ARHGAP26: variants seen among roughly 807,000 people sequenced by gnomAD.
The protein encoded by ARHGAP26 is rho GTPase-activating protein 26.
ARHGAP26 carries 38 observed loss-of-function variants against 104.8 expected under a neutral mutation model. The ratio of observed to expected loss-of-function variants is 0.36; its 90% CI spans 0.28 to 0.48. The LOEUF (loss-of-function observed/expected upper bound fraction) is 0.48. Among genes scored for constraint, ARHGAP26 ranks in the 20% least tolerant of loss-of-function variants. The pLI, the probability that ARHGAP26 is intolerant of heterozygous loss-of-function variation, is 0.99. For synonymous variants in ARHGAP26, 341 were observed against 340.0 expected, an observed-to-expected ratio of 1.00 and a Z score of -0.03; for missense variants, 704 against 947.9, an observed-to-expected ratio of 0.74 and a Z score of 3.38.
intron 19 of ARHGAP26, among the ~76,000 whole-genome samples, chr5:143,143,167 A>G (rs146355456): frequency 7.7e-4 from 117 of 152,080 alleles, no homozygotes; most frequent in African/African-American, 2.8e-3. Context: ...GCATGGGGGG[A>G]AACCTCCCGC....
chr5:142,993,871 A>T lies in ARHGAP26; in HGVS notation c.1108-20209A>T, dbSNP rs116960202. On this transcript the variant is annotated intron_variant, in intron 11 of 22. Transcript: ENST00000645722. ...TTTTAAGTAGAGGCTAGGACTCCTTATGTTGCCCAGATCAGTCTCAAATTC... is the reference window on the plus strand; with the variant it reads ...TTTTAAGTAGAGGCTAGGACTCCTTTTGTTGCCCAGATCAGTCTCAAATTC... 2.0e-5 allele frequency among the ~76,000 whole-genome samples: 3 copies of T among 151,404 alleles called. No individual in the cohort carries two copies. The East Asian group carries it at 5.9e-4, about 30-fold the overall frequency.
rs924259954 is a variant in ARHGAP26, at chr5:142,894,400, C to T, written c.597+52C>T. On this transcript the variant is annotated intron_variant, in intron 6 of 22. Coordinates refer to ENST00000645722, the MANE Select transcript of ARHGAP26 (RefSeq NM_001135608.3). ...TGTACCCATATATTCATCCCTCATT[C>T]TAACTAGTAGTAGATTACAAAATGC... 9.3e-6 allele frequency: 14 copies of T among 1,501,818 alleles called. No individual in the cohort carries two copies. The African/African-American group carries it at 1.9e-4, about 21-fold the overall frequency. 93.0% of individuals were successfully genotyped at this position (1,501,818 alleles called of 1,614,324 possible). A position where few individuals can be genotyped will look rare whatever the true frequency, so the allele number is the denominator to read the frequency against.
chr5:142,819,197 T>C (rs1331102392), intron 1 of ARHGAP26, among the ~76,000 whole-genome samples: 1 of 152,160 alleles, frequency 6.6e-6, no homozygotes, highest in Non-Finnish European at 1.5e-5. Context: ...TCGAAAACAT[T>C]CCTCAGTTTG....
intron 17 of ARHGAP26, among the ~76,000 whole-genome samples, chr5:143,109,946 A>G (rs1318017895): frequency 6.6e-6 from 1 of 152,178 alleles, no homozygotes; most frequent in Non-Finnish European, 1.5e-5. Flanking sequence ...CCTCAAGTCC[A>G]TTATGTCTCT....
rs182914913 is a variant in ARHGAP26 at position 143,209,700 on chromosome 5, G to C, written c.2099+2392G>C. Reference sequence around the variant, plus strand: ...GGAGGCTAAGGCAGGAGGATTGCTTGAACCTGGGAGGCAAAGTTTGCAGTG... The same window carrying C: ...GGAGGCTAAGGCAGGAGGATTGCTTCAACCTGGGAGGCAAAGTTTGCAGTG... On this transcript the variant is annotated intron_variant, in intron 21 of 22. Coordinates refer to ENST00000645722, the MANE Select transcript of ARHGAP26 (RefSeq NM_001135608.3). 2.8e-4 allele frequency among the ~76,000 whole-genome samples: 43 copies of C among 152,048 alleles called. 2 individuals carry two copies. Among genetic ancestry groups the C allele is most frequent in the African/African-American group, 9.2e-4 (38 of 41,432 alleles).
intron 17 of ARHGAP26, among the ~76,000 whole-genome samples, chr5:143,118,360 T>C (rs1217359258): frequency 6.6e-6 from 1 of 152,150 alleles, no homozygotes; most frequent in East Asian, 1.9e-4. Context: ...AACCCAAAGC[T>C]TAGAAAGATT....
chr5:143,176,984 A>G (rs1803554445), intron 20 of ARHGAP26, among the ~76,000 whole-genome samples: 1 of 152,218 alleles, frequency 6.6e-6, no homozygotes, highest in Non-Finnish European at 1.5e-5. Context: ...AGGCTACAAT[A>G]TCAATGTGCT....
chr5:143,215,992 TATTA>T (rs1480589917), intron 22 of ARHGAP26, among the ~76,000 whole-genome samples: 4 of 152,180 alleles, frequency 2.6e-5, no homozygotes, highest in African/African-American at 9.7e-5. Context: ...TGCAGGGTCA[TATTA>T]ATTCCGTGTT....
chr5:143,165,911 T>C, intron 20 of ARHGAP26: 1 of 561,406 alleles, frequency 1.8e-6, no homozygotes, highest in Non-Finnish European at 2.7e-6. Context: ...CCTCCTAGGG[T>C]TGTTAGGATG....
chr5:143,074,287 A>T (rs1180324424), intron 17 of ARHGAP26, among the ~76,000 whole-genome samples: 1 of 152,164 alleles, frequency 6.6e-6, no homozygotes, highest in Non-Finnish European at 1.5e-5. Context: ...TTTTTGTCCT[A>T]CTTACAGGTA....
intron 7 of ARHGAP26, among the ~76,000 whole-genome samples, chr5:142,902,264 G>A (rs746508725): frequency 3.9e-5 from 6 of 152,130 alleles, no homozygotes; most frequent in South Asian, 2.1e-4. Context: ...TTATGTTCTC[G>A]GAAGTGCTGC....
At chr5:143,200,220 GT>G (rs1807483856) in intron 20 of ARHGAP26, among the ~76,000 whole-genome samples, 2 of 152,204 alleles carry the variant, frequency 1.3e-5, no homozygotes, top group South Asian at 4.1e-4. Flanking sequence ...GGAATTGTCA[GT>G]GTTGGTGGAA....
chr5:143,003,850 A>G (rs965039499), intron 11 of ARHGAP26, among the ~76,000 whole-genome samples: 17 of 152,208 alleles, frequency 1.1e-4, no homozygotes, highest in African/African-American at 3.1e-4. Context: ...CTAAGGGCGC[A>G]TAGTTCAAAA....
intron 1 of ARHGAP26, among the ~76,000 whole-genome samples, chr5:142,797,335 A>G (rs1482518309): frequency 6.6e-6 from 1 of 152,190 alleles, no homozygotes; most frequent in Non-Finnish European, 1.5e-5. Context: ...AATTAGATAG[A>G]ATTGTGATCT....
At chr5:143,105,794 T>G (rs1409748704) in intron 17 of ARHGAP26, among the ~76,000 whole-genome samples, 1 of 152,236 alleles carries the variant, frequency 6.6e-6, no homozygotes, top group African/African-American at 2.4e-5. Flanking sequence ...AACATGTAGC[T>G]GCACCGGGGC....
intron 22 of ARHGAP26, chr5:143,216,629 GT>G: frequency 4.9e-6 from 1 of 204,918 alleles, no homozygotes; most frequent in Non-Finnish European, 1.0e-5. Flanking sequence ...CAGGAGGAAA[GT>G]TTGGTTGAGT....
intron 1 of ARHGAP26, among the ~76,000 whole-genome samples, chr5:142,846,813 T>C (rs1233499204): frequency 6.6e-6 from 1 of 152,218 alleles, no homozygotes; most frequent in Admixed American, 6.5e-5. Flanking sequence ...ATTCATTAAT[T>C]CAATATGTAT....
chr5:142,850,958 G>T (rs996325596), intron 1 of ARHGAP26, among the ~76,000 whole-genome samples: 2 of 152,164 alleles, frequency 1.3e-5, no homozygotes, highest in Non-Finnish European at 2.9e-5. Context: ...TGTCAACCAG[G>T]CCACAGGAAG....
intron 14 of ARHGAP26, among the ~76,000 whole-genome samples, chr5:143,046,399 G>A (rs759072384): frequency 2.0e-5 from 3 of 152,188 alleles, no homozygotes; most frequent in Non-Finnish European, 4.4e-5. Context: ...AGGACTTTGG[G>A]TTGGAAGAGG....
Sources: gnomAD v4.1 joint callset for allele counts (sites outside exome capture counted in the v4.1 genomes callset) on GRCh38, gnomAD v4.1.1 for gene constraint, MANE v1.5 for transcripts, NCBI Gene and HGNC (gene_info 2026-07-23, HGNC 2026-07-21) for gene names.